Variants in SRD5A1 observed in about 807,000 individuals in gnomAD.
The protein encoded by SRD5A1 is 3-oxo-5-alpha-steroid 4-dehydrogenase 1.
Under a neutral mutation model 28.2 loss-of-function variants are expected in SRD5A1, and 22 were observed. That is an observed-to-expected ratio of 0.78 (90% confidence interval 0.56 to 1.12). The LOEUF is 1.12. SRD5A1 is among the 50% of genes most tolerant of loss of function. SRD5A1 has a pLI of 0.00. For missense variants in SRD5A1, 300 were observed against 346.7 expected (o/e 0.87, Z 1.07); for synonymous variants, 151 against 135.0 (o/e 1.12, Z -0.82).
chr5:6,651,765 A>G (rs1738677000), intron 1 of SRD5A1, 77 bp from the exon 2 acceptor site: 3 of 1,380,288 alleles, frequency 2.2e-6, no homozygotes, highest in Non-Finnish European at 2.0e-6. Context: ...TTTAAAACCC[A>G]AATCATTTAA....
chr5:6,656,126 A>G lies in SRD5A1; in HGVS notation c.509A>G (p.His170Arg). ...ATGTTGATAAACATCCATTCAGATC[A>G]TATCCTAAGGAATCTCAGAAAACCA... Reference protein sequence around the residue: ...TGMLINIHSDHILRNLRKPGD... With the variant: ...TGMLINIHSDRILRNLRKPGD... The change falls in exon 3 of 5, where the codon CAT (histidine) becomes CGT (arginine). Residue 170 changes from histidine (H) to arginine (R), a missense_variant. Transcript: ENST00000274192. The G allele has an allele frequency of 6.2e-7, 1 of 1,614,122 alleles. No homozygotes were observed. The highest frequency in any genetic ancestry group is 8.5e-7 in the Non-Finnish European group (1 of 1,179,974).
rs183571737 is a variant in SRD5A1 at position 6,664,685 on chromosome 5, C to T, written c.713+1719C>T. ...CCTCCTGAAGTGCTAGGATTCGAGGCGTGAGCCAACGTGGCTGGCCTCTTT... is the reference window on the plus strand; with the variant it reads ...CCTCCTGAAGTGCTAGGATTCGAGGTGTGAGCCAACGTGGCTGGCCTCTTT... On this transcript the variant is annotated intron_variant, in intron 4 of 4. Transcript: ENST00000274192. Among the ~76,000 whole-genome samples the T allele has an allele frequency of 4.6e-5, 7 of 152,362 alleles. No individual in the cohort carries two copies. The East Asian group carries it at 1.2e-3, about 25-fold the overall frequency.
chr5:6,657,103 G>A (rs368707219), intron 3 of SRD5A1, among the ~76,000 whole-genome samples: 8 of 152,204 alleles, frequency 5.3e-5, no homozygotes, highest in Non-Finnish European at 1.2e-4. Context: ...GAGAAAGGGC[G>A]TGACATCACT....
chr5:6,652,744 G>T (rs746090556), intron 2 of SRD5A1, among the ~76,000 whole-genome samples: 1 of 151,950 alleles, frequency 6.6e-6, no homozygotes, highest in African/African-American at 2.4e-5. Flanking sequence ...ATGGTGACAC[G>T]CACCATGGTC....
Position 6,673,748 on chromosome 5 carries a change from T to C in SRD5A1, c.*5480T>C, listed in dbSNP as rs1339576614. The stretch of plus-strand genomic sequence containing the variant: ...ATTCTATTTCTATGAGGAAAATCTA[T>C]TCATACAATAGAATACTAGTGTCAG... On this transcript the variant is annotated 3_prime_UTR_variant, in exon 5 of 5. Transcript: ENST00000274192. The C allele has an allele frequency of 6.6e-6, 1 of 152,194 alleles. No individual in the cohort carries two copies. Among genetic ancestry groups the C allele is most frequent in the Non-Finnish European group, 1.5e-5 (1 of 68,034 alleles). 9.4% of individuals were successfully genotyped at this position (152,194 alleles called of 1,614,324 possible).
chr5:6,655,346 C>G (rs757494530), intron 2 of SRD5A1, among the ~76,000 whole-genome samples: 6 of 152,178 alleles, frequency 3.9e-5, no homozygotes, highest in African/African-American at 9.7e-5. Flanking sequence ...TGATGTGATA[C>G]TAACAACTCT....
intron 4 of SRD5A1, among the ~76,000 whole-genome samples, chr5:6,664,877 A>G (rs1739116386): frequency 6.6e-6 from 1 of 152,164 alleles, no homozygotes; most frequent in Admixed American, 6.5e-5. Flanking sequence ...AGCTGCTGAG[A>G]AAAACAGAGG....
rs1053074011 is a variant in SRD5A1 at position 6,633,761 on chromosome 5, C to T, written c.185C>T (p.Pro62Leu). The change falls in exon 1 of 5, where the codon CCC (proline) becomes CTC (leucine). Residue 62 changes from proline (P) to leucine (L), a missense_variant. Physicochemically the swap from Pro to Leu is moderately conservative, Grantham distance 98. Transcript: ENST00000274192. ...GCCGCCTGGGTGGTGCAGGAGCTGCCCTCGCTGGCCCTGCCGCTCTACCAG... is the reference window on the plus strand; with the variant it reads ...GCCGCCTGGGTGGTGCAGGAGCTGCTCTCGCTGGCCCTGCCGCTCTACCAG... ...ARAAWVVQEL[P>L]SLALPLYQYA... 1.2e-5 allele frequency: 19 copies of T among 1,597,146 alleles called. No homozygotes were observed. Among genetic ancestry groups the T allele is most frequent in the Non-Finnish European group, 1.5e-5 (18 of 1,179,496 alleles).
In SRD5A1 at chr5:6,669,798, C is replaced by G. The variant is rs188960460; in HGVS notation, c.*1530C>G. 1.3e-5 allele frequency: 2 copies of G among 152,358 alleles called. No individual in the cohort carries two copies. The highest frequency in any genetic ancestry group is 6.5e-5 in the Admixed American group (1 of 15,304). The allele number at this position is 152,358 out of a possible 1,614,324, so 9.4% of individuals were successfully genotyped here. On this transcript the variant is annotated 3_prime_UTR_variant, in exon 5 of 5. Transcript: ENST00000274192. ...ACATACACCTTTCCTTCTCCCCTCT[C>G]TATTCTGACCCCAGTTGAAATCACC...
chr5:6,667,852 C>T (rs1295517536), intron 4 of SRD5A1, among the ~76,000 whole-genome samples: 1 of 152,206 alleles, frequency 6.6e-6, no homozygotes, highest in East Asian at 1.9e-4. Context: ...ATTCAGGAAG[C>T]ACCTACTTGG....
In SRD5A1 at chr5:6,674,304, CTG is replaced by C. The variant is rs1050287202; in HGVS notation, c.*6038_*6039del. On this transcript the variant is annotated 3_prime_UTR_variant, in exon 5 of 5. Coordinates refer to ENST00000274192, the MANE Select transcript of SRD5A1 (RefSeq NM_001047.4). Reference sequence around the variant, plus strand: ...TTGGAGAGAGAGATATGTGAGAACTCTGTACTTTCTTTTCAATGTTTCTGTAA... The same window carrying C: ...TTGGAGAGAGAGATATGTGAGAACTCTACTTTCTTTTCAATGTTTCTGTAA... 1.3e-4 allele frequency: 20 copies of C among 152,156 alleles called. No individual in the cohort carries two copies. The highest frequency in any genetic ancestry group is 4.3e-4 in the African/African-American group (18 of 41,508). 9.4% of individuals were successfully genotyped at this position (152,156 alleles called of 1,614,324 possible). A position where few individuals can be genotyped will look rare whatever the true frequency, so the allele number is the denominator to read the frequency against.
chr5:6,668,330 T>A lies in SRD5A1; in HGVS notation c.*62T>A. On this transcript the variant is annotated 3_prime_UTR_variant, in exon 5 of 5. Coordinates refer to ENST00000274192, the MANE Select transcript of SRD5A1 (RefSeq NM_001047.4). ...TTCCAATGGCGCTTCTCTATGGACT[T>A]TGTAAATAAGTTATATCTTTGTAAT... 1.0e-6 allele frequency: 1 copy of A among 1,003,978 alleles called. No homozygotes were observed. Among genetic ancestry groups the A allele is most frequent in the East Asian group, 2.5e-5 (1 of 39,480 alleles). 62.2% of individuals were successfully genotyped at this position (1,003,978 alleles called of 1,614,324 possible).
At chr5:6,644,907 A>C (rs1405541686) in intron 1 of SRD5A1, 2 of 456,050 alleles carry the variant, frequency 4.4e-6, no homozygotes, top group Admixed American at 4.7e-5. Context: ...TCCAAGACGC[A>C]GAGAGAAATT....
At chr5:6,634,248 A>G (rs747871309) in intron 1 of SRD5A1, among the ~76,000 whole-genome samples, 17 of 152,084 alleles carry the variant, frequency 1.1e-4, no homozygotes, top group Non-Finnish European at 2.5e-4. Flanking sequence ...AATCGCTTGA[A>G]CCCGAGAGGC....
At chr5:6,657,486 C>G (rs1738868107) in intron 3 of SRD5A1, among the ~76,000 whole-genome samples, 1 of 152,208 alleles carries the variant, frequency 6.6e-6, no homozygotes, top group African/African-American at 2.4e-5. Flanking sequence ...TGCCCAGCAC[C>G]CTTGCATGGG....
chr5:6,669,327 T>C lies in SRD5A1; in HGVS notation c.*1059T>C, dbSNP rs192786206. On this transcript the variant is annotated 3_prime_UTR_variant, in exon 5 of 5. Coordinates refer to ENST00000274192, the MANE Select transcript of SRD5A1 (RefSeq NM_001047.4). ...TAATAGTTTTTGCTTTCTGTTTTGC[T>C]GTTGTTGCTTTGCAAAGCTTTCCCC... The C allele has an allele frequency of 1.9e-4, 29 of 152,270 alleles. No individual in the cohort carries two copies. Among genetic ancestry groups the C allele is most frequent in the African/African-American group, 7.0e-4 (29 of 41,482 alleles). 9.4% of individuals were successfully genotyped at this position (152,270 alleles called of 1,614,324 possible).
In SRD5A1 at chr5:6,669,678, A is replaced by G. The variant is rs1481004943; in HGVS notation, c.*1410A>G. ...GTTTACTATCTACAGTGATTTGGAA[A>G]GGAGATTTCCTTTAAAACAAACAAG... On this transcript the variant is annotated 3_prime_UTR_variant, in exon 5 of 5. Transcript: ENST00000274192. 1 of 152,236 alleles carries G rather than the reference A, an allele frequency of 6.6e-6. No individual in the cohort carries two copies. The highest frequency in any genetic ancestry group is 1.9e-4 in the East Asian group (1 of 5,202). The allele number at this position is 152,236 out of a possible 1,614,324, so 9.4% of individuals were successfully genotyped here.
intron 3 of SRD5A1, among the ~76,000 whole-genome samples, chr5:6,660,487 A>G (rs371235429): frequency 3.9e-5 from 6 of 152,368 alleles, no homozygotes; most frequent in African/African-American, 1.4e-4. Context: ...CTGATGAAAT[A>G]CAGATCATGA....
At chr5:6,666,917 C>T (rs1030429953) in intron 4 of SRD5A1, among the ~76,000 whole-genome samples, 2 of 152,184 alleles carry the variant, frequency 1.3e-5, no homozygotes, top group Non-Finnish European at 2.9e-5. Flanking sequence ...CTTGCCTTTT[C>T]GGGCCAGGGT....
Sources: allele counts gnomAD v4.1 joint callset (sites outside exome capture counted in the v4.1 genomes callset), GRCh38; gene constraint gnomAD v4.1.1; transcripts MANE v1.5; gene names NCBI Gene and HGNC (gene_info 2026-07-23, HGNC 2026-07-21).